The following OPRM1 variants were observed in gnomAD, a reference collection of about 807,000 sequenced individuals.
The protein encoded by OPRM1 is mu-type opioid receptor.
In OPRM1, 27 loss-of-function variants were observed where a neutral mutation model predicts 31.8. That is an observed-to-expected ratio of 0.85 (90% CI 0.63 to 1.17). OPRM1 has a LOEUF of 1.17. OPRM1 is among the 50% of genes most tolerant of loss of function. OPRM1 has a pLI of 0.00. For synonymous variants in OPRM1, 196 were observed against 189.9 expected (o/e 1.03, Z -0.26); for missense variants, 536 against 511.1 (o/e 1.05, Z -0.47).
At chr6:154,214,432 C>T (rs995183562) in intron 3 of OPRM1, 20 of 659,238 alleles carry the variant, frequency 3.0e-5, no homozygotes, top group Non-Finnish European at 5.0e-5. Flanking sequence ...AACCTAAGGC[C>T]TCTGGTTTCA....
intron 1 of OPRM1, among the ~76,000 whole-genome samples, chr6:154,042,735 A>C: frequency 6.6e-6 from 1 of 152,356 alleles, no homozygotes. Context: ...AAAGATTTTA[A>C]GTCCAGATGT....
In OPRM1 at chr6:154,127,441, G is replaced by A. The variant is rs575796770; in HGVS notation, c.*8720G>A. The stretch of plus-strand genomic sequence containing the variant: ...GGTTTTGTTTGGGTTTTTTGTTGCT[G>A]TTGCTTGTTTATTTGTTTGTTGTGT... On this transcript the variant is annotated 3_prime_UTR_variant, in exon 4 of 4. Transcript: ENST00000330432. Among the ~76,000 whole-genome samples the A allele has an allele frequency of 5.7e-4, 87 of 152,266 alleles. No individual in the cohort carries two copies. Among genetic ancestry groups the A allele is most frequent in the African/African-American group, 2.0e-3 (82 of 41,544 alleles).
At chr6:154,096,379 T>C (rs1583517413) in intron 3 of OPRM1, among the ~76,000 whole-genome samples, 1 of 152,144 alleles carries the variant, frequency 6.6e-6, no homozygotes, top group African/African-American at 2.4e-5. Context: ...TTTTATATCT[T>C]GACACGTAGG....
intron 1 of OPRM1, among the ~76,000 whole-genome samples, chr6:154,028,252 C>T (rs1451521659): frequency 3.9e-5 from 6 of 152,120 alleles, no homozygotes; most frequent in Non-Finnish European, 1.5e-5. Flanking sequence ...CCTTCTGGCC[C>T]AGGGTGTGTC....
intron 1 of OPRM1, among the ~76,000 whole-genome samples, chr6:154,088,087 TA>T (rs58000752): frequency 0.015 from 2,181 of 147,492 alleles, 57 homozygotes; most frequent in African/African-American, 0.051. Context: ...GTGAATGGAT[TA>T]AAAAAAAAAA....
intron 3 of OPRM1, among the ~76,000 whole-genome samples, chr6:154,095,575 A>T (rs769480521): frequency 6.6e-6 from 1 of 152,162 alleles, no homozygotes; most frequent in East Asian, 1.9e-4. Context: ...AATCAGTTAC[A>T]TTCATGGTTG....
rs532716148 is a variant in OPRM1 at position 154,223,271 on chromosome 6, A to G, written c.1165-23422A>G. 26 of 1,541,102 alleles carry G rather than the reference A, an allele frequency of 1.7e-5. 1 individual carries two copies. The African/African-American group carries it at 3.3e-4, about 19-fold the overall frequency. On this transcript the variant is annotated intron_variant, in intron 3 of 3. Transcript: ENST00000337049. ...GAAACAAATATATACCACAAATAGG[A>G]ATGAATGCATCAATCCTGGGGATTA...
intron 3 of OPRM1, chr6:154,223,218 T>A: frequency 1.9e-6 from 3 of 1,613,620 alleles, no homozygotes; most frequent in Non-Finnish European, 2.5e-6. Context: ...ATCAGGCAGG[T>A]TGACAAATCC....
intron 3 of OPRM1, chr6:154,199,549 G>C: frequency 8.3e-7 from 1 of 1,204,098 alleles, no homozygotes; most frequent in East Asian, 2.5e-5. Flanking sequence ...AGCCCCACTT[G>C]ACTAATTATT....
At chr6:154,114,356 T>A (rs1452115106) in intron 3 of OPRM1, among the ~76,000 whole-genome samples, 1 of 152,176 alleles carries the variant, frequency 6.6e-6, no homozygotes. Flanking sequence ...TGGGACTTCA[T>A]GTGATTTAGC....
intron 3 of OPRM1, chr6:154,156,081 AAT>A (rs1798703075): frequency 6.6e-6 from 1 of 152,212 alleles, no homozygotes; most frequent in Non-Finnish European, 1.5e-5. Context: ...CATTTCTTTA[AAT>A]ATATGTTTTT....
chr6:154,109,525 T>C (rs1796082283), intron 3 of OPRM1, among the ~76,000 whole-genome samples: 6 of 152,156 alleles, frequency 3.9e-5, no homozygotes, highest in Admixed American at 3.9e-4. Flanking sequence ...ACTGAGATAA[T>C]TCAGATGTTA....
intron 1 of OPRM1, among the ~76,000 whole-genome samples, chr6:154,076,623 A>T (rs1325288410): frequency 6.6e-6 from 1 of 152,008 alleles, no homozygotes; most frequent in Non-Finnish European, 1.5e-5. Flanking sequence ...AAGAACCACC[A>T]CCTTTCAGAC....
intron 3 of OPRM1, among the ~76,000 whole-genome samples, chr6:154,213,898 A>G (rs1015989793): frequency 4.6e-5 from 7 of 152,314 alleles, no homozygotes; most frequent in Middle Eastern, 6.8e-3. Context: ...TCATGACGAG[A>G]TCATGTCTAT....
At chr6:154,099,261 G>C (rs1317014681) in intron 3 of OPRM1, among the ~76,000 whole-genome samples, 2 of 143,152 alleles carry the variant, frequency 1.4e-5, no homozygotes, top group Non-Finnish European at 3.0e-5. Flanking sequence ...CTCTAGGCTG[G>C]GCAACTGAAT....
chr6:154,206,315 A>C (rs189021906), intron 3 of OPRM1, among the ~76,000 whole-genome samples: 2 of 152,372 alleles, frequency 1.3e-5, no homozygotes, highest in East Asian at 3.9e-4. Flanking sequence ...TCTCAAAGCC[A>C]TGCAAAAGCA....
intron 3 of OPRM1, among the ~76,000 whole-genome samples, chr6:154,150,579 G>A (rs1798473977): frequency 6.6e-6 from 1 of 152,194 alleles, no homozygotes; most frequent in Non-Finnish European, 1.5e-5. Flanking sequence ...TGAAGACTGG[G>A]GGCTTGGAGC....
chr6:154,125,404 T>C lies in OPRM1; in HGVS notation c.*6683T>C, dbSNP rs1185844962. On this transcript the variant is annotated 3_prime_UTR_variant, in exon 4 of 4. Coordinates refer to ENST00000330432, the MANE Select transcript of OPRM1 (RefSeq NM_000914.5). ...CTCTGAAGCAATAAACCTCTTCCATTACACAGGTTTAGATTCAGAGTTTTC... is the reference window on the plus strand; with the variant it reads ...CTCTGAAGCAATAAACCTCTTCCATCACACAGGTTTAGATTCAGAGTTTTC... 1.3e-5 allele frequency among the ~76,000 whole-genome samples: 2 copies of C among 152,208 alleles called. No individual in the cohort carries two copies. The highest frequency in any genetic ancestry group is 4.8e-5 in the African/African-American group (2 of 41,458).
intron 3 of OPRM1, among the ~76,000 whole-genome samples, chr6:154,140,476 G>A (rs1361751416): frequency 1.3e-5 from 2 of 152,014 alleles, no homozygotes; most frequent in African/African-American, 2.4e-5. Flanking sequence ...CATTACAGGC[G>A]TGTGCCACCA....
Sources: allele counts gnomAD v4.1 joint callset (sites outside exome capture counted in the v4.1 genomes callset), GRCh38; gene constraint gnomAD v4.1.1; transcripts MANE v1.5; gene names NCBI Gene and HGNC (gene_info 2026-07-23, HGNC 2026-07-21).